AGAP1: variants seen among roughly 807,000 people sequenced by gnomAD.
AGAP1 encodes arf-GAP with GTPase, ANK repeat and PH domain-containing protein 1.
A neutral mutation model predicts 105.3 loss-of-function variants in AGAP1; 29 were observed. The ratio of observed to expected loss-of-function variants is 0.28; its 90% CI spans 0.21 to 0.38. AGAP1 has a LOEUF of 0.38. Ranked by LOEUF, AGAP1 falls within the 10% of genes least tolerant of loss-of-function variation. The pLI, the probability that AGAP1 is intolerant of heterozygous loss-of-function variation, is 1.00. For missense variants in AGAP1, 998 were observed against 1,165.1 expected, an observed-to-expected ratio of 0.86 and a Z score of 2.09; for synonymous variants, 509 against 485.9, an observed-to-expected ratio of 1.05 and a Z score of -0.63.
chr2:235,730,133 TACTC>T (rs1364248699), intron 3 of AGAP1, among the ~76,000 whole-genome samples: 1 of 152,160 alleles, frequency 6.6e-6, no homozygotes, highest in African/African-American at 2.4e-5. Context: ...TACTTTTACA[TACTC>T]ACTTCCTGAA....
rs1056040485 is a variant in AGAP1, at chr2:235,864,488, G to A, written c.1051-18857G>A. 4.6e-5 allele frequency among the ~76,000 whole-genome samples: 7 copies of A among 152,200 alleles called. No individual in the cohort carries two copies. The highest frequency in any genetic ancestry group is 3.9e-4 in the East Asian group (2 of 5,190). On this transcript the variant is annotated intron_variant, in intron 9 of 17. Transcript: ENST00000304032. The surrounding 1 kb of genome is among the most constrained non-coding windows in gnomAD (Gnocchi z 5.0). ...GGGTGGGAGGAGGAGGTGGGCGGCC[G>A]GAAGGTGGTTGAGCGTTTCCGCTCC...
chr2:235,628,715 C>G (rs1472200481), intron 1 of AGAP1, among the ~76,000 whole-genome samples: 1 of 151,950 alleles, frequency 6.6e-6, no homozygotes, highest in African/African-American at 2.4e-5. Flanking sequence ...TCTGGTGCAC[C>G]CATCACCCAA....
At position 235,610,438 on chromosome 2, in the gene AGAP1, G is replaced by C. The variant is rs1946088604; in HGVS notation, c.164-98741G>C. Reference sequence around the variant, plus strand: ...TGCTGGCATGGTTGGACTCTGGAGAGACTCTTGTCCTGACTTCTAGATGTC... The same window carrying C: ...TGCTGGCATGGTTGGACTCTGGAGACACTCTTGTCCTGACTTCTAGATGTC... On this transcript the variant is annotated intron_variant, in intron 1 of 17. Transcript: ENST00000304032. The surrounding 1 kb of genome is among the most constrained non-coding windows in gnomAD (Gnocchi z 4.9). 6.6e-6 allele frequency among the ~76,000 whole-genome samples: 1 copy of C among 152,160 alleles called. No homozygotes were observed.
rs2013198 is a variant in AGAP1 at position 235,663,091 on chromosome 2, G to T, written c.164-46088G>T. Among the ~76,000 whole-genome samples the T allele has an allele frequency of 6.6e-6, 1 of 152,000 alleles. No homozygotes were observed. Among genetic ancestry groups the T allele is most frequent in the East Asian group, 1.9e-4 (1 of 5,150 alleles). ...TGTAATCCCAGCACTTTGGGAGGCCGAGGCGGGTGGATCATCTGAGGTCAG... is the reference window on the plus strand; with the variant it reads ...TGTAATCCCAGCACTTTGGGAGGCCTAGGCGGGTGGATCATCTGAGGTCAG... On this transcript the variant is annotated intron_variant, in intron 1 of 17. Coordinates refer to ENST00000304032, the MANE Select transcript of AGAP1 (RefSeq NM_001037131.3). This position sits in a 1 kb window ranked among gnomAD's most constrained non-coding sequence, Gnocchi z 5.4.
At chr2:235,890,421 G>A (rs2050482033) in intron 10 of AGAP1, among the ~76,000 whole-genome samples, 1 of 152,154 alleles carries the variant, frequency 6.6e-6, no homozygotes, top group Non-Finnish European at 1.5e-5. Flanking sequence ...CAAAGTGCTG[G>A]GATTATAGGC....
intron 13 of AGAP1, among the ~76,000 whole-genome samples, chr2:236,013,237 G>A (rs73121831): frequency 0.012 from 1,808 of 152,304 alleles, 48 homozygotes; most frequent in African/African-American, 0.041. Context: ...TCTCGCGTAT[G>A]TTTTGTGTTG....
At chr2:235,786,531 TTAA>T (rs1216179776) in intron 6 of AGAP1, among the ~76,000 whole-genome samples, 23 of 152,332 alleles carry the variant, frequency 1.5e-4, no homozygotes, top group South Asian at 2.1e-4. Context: ...AGTGGAATAA[TTAA>T]TAATGAATTA....
Position 236,130,361 on chromosome 2 carries a change from G to A in AGAP1, c.*6239G>A, listed in dbSNP as rs750361537. 6.6e-6 allele frequency: 1 copy of A among 151,914 alleles called. No homozygotes were observed. The highest frequency in any genetic ancestry group is 1.5e-5 in the Non-Finnish European group (1 of 67,976). 9.4% of individuals were successfully genotyped at this position (151,914 alleles called of 1,614,324 possible). On this transcript the variant is annotated 3_prime_UTR_variant, in exon 18 of 18. Coordinates refer to ENST00000304032, the MANE Select transcript of AGAP1 (RefSeq NM_001037131.3). This position sits in a 1 kb window ranked among gnomAD's most constrained non-coding sequence, Gnocchi z 5.8. ...ATCGGACTGATCTAGAATGCCCCGTGGGGGGATTGCATGGCCTTTGCCTTG... is the reference window on the plus strand; with the variant it reads ...ATCGGACTGATCTAGAATGCCCCGTAGGGGGATTGCATGGCCTTTGCCTTG...
chr2:235,837,635 A>T (rs141538916), intron 9 of AGAP1, among the ~76,000 whole-genome samples: 1 of 152,340 alleles, frequency 6.6e-6, no homozygotes, highest in East Asian at 1.9e-4. Flanking sequence ...GGAGTCTACC[A>T]GTAAAGGAGG....
rs77534673 is a variant in AGAP1, at chr2:235,716,063, CT to C, written c.223-1486del. On this transcript the variant is annotated intron_variant, in intron 2 of 17. Transcript: ENST00000304032. The surrounding 1 kb of genome is among the most constrained non-coding windows in gnomAD (Gnocchi z 4.0). ...GGGGATGCGATTTGGGAATAGGCAG[CT>C]TTTTTTTCCCCCCACATCCAACCTT... Among the ~76,000 whole-genome samples, 1,602 of 152,158 alleles carry C rather than the reference CT, an allele frequency of 0.011. 34 individuals carry two copies. Among genetic ancestry groups the C allele is most frequent in the African/African-American group, 0.034 (1,424 of 41,508 alleles).
chr2:235,688,012 C>G (rs1163909696), intron 1 of AGAP1, among the ~76,000 whole-genome samples: 1 of 150,546 alleles, frequency 6.6e-6, no homozygotes, highest in Non-Finnish European at 1.5e-5. Context: ...CGCCATTCTC[C>G]CGCCTCAGCC....
intron 9 of AGAP1, among the ~76,000 whole-genome samples, chr2:235,840,685 C>T (rs1371199845): frequency 6.6e-6 from 1 of 151,796 alleles, no homozygotes; most frequent in Non-Finnish European, 1.5e-5. Context: ...AAGGAGAAGA[C>T]ATATCTGGAG....
chr2:235,752,647 A>G lies in AGAP1; in HGVS notation c.673+2159A>G, dbSNP rs1021705502. Among the ~76,000 whole-genome samples the G allele has an allele frequency of 6.6e-6, 1 of 152,112 alleles. No individual in the cohort carries two copies. Among genetic ancestry groups the G allele is most frequent in the Non-Finnish European group, 1.5e-5 (1 of 68,024 alleles). ...AGAGCTTGCCGGTCCCCGATGCAGG[A>G]TATCAGGGACTCAGTTGTCTGGATA... On this transcript the variant is annotated intron_variant, in intron 6 of 17. Transcript: ENST00000304032. The surrounding 1 kb of genome is among the most constrained non-coding windows in gnomAD (Gnocchi z 4.3).
chr2:235,686,554 T>TACACACACACACAC (rs1315334928), intron 1 of AGAP1, among the ~76,000 whole-genome samples: 1 of 51,352 alleles, frequency 1.9e-5, no homozygotes, highest in African/African-American at 6.3e-5. Context: ...GAGATATATA[T>TACACACACACACAC]ATACACACAC....
chr2:235,705,413 A>G lies in AGAP1; in HGVS notation c.164-3766A>G, dbSNP rs1381881697. ...GCCCAGCTGTGTTTCCCTGAAGCAT[A>G]TTTATCCTTCCAGTGTTCCTGCACC... is the stretch of plus-strand genomic sequence containing the variant. On this transcript the variant is annotated intron_variant, in intron 1 of 17. Transcript: ENST00000304032. This position sits in a 1 kb window ranked among gnomAD's most constrained non-coding sequence, Gnocchi z 4.9. Among the ~76,000 whole-genome samples, 3 of 151,990 alleles carry G rather than the reference A, an allele frequency of 2.0e-5. No homozygotes were observed. Among genetic ancestry groups the G allele is most frequent in the Middle Eastern group, 6.8e-3 (2 of 294 alleles).
intron 11 of AGAP1, among the ~76,000 whole-genome samples, chr2:235,924,802 G>A (rs926064842): frequency 6.6e-5 from 10 of 152,148 alleles, no homozygotes; most frequent in Admixed American, 2.0e-4. Context: ...GTTTGCTGTG[G>A]AGAGCGACAT....
At chr2:235,823,899 A>T (rs1173172981) in intron 9 of AGAP1, among the ~76,000 whole-genome samples, 1 of 152,178 alleles carries the variant, frequency 6.6e-6, no homozygotes, top group Admixed American at 6.5e-5. Flanking sequence ...CTGTGAGGCT[A>T]GGTGGCATTC....
At chr2:235,572,905 A>G (rs2149166670) in intron 1 of AGAP1, among the ~76,000 whole-genome samples, 1 of 152,258 alleles carries the variant, frequency 6.6e-6, no homozygotes, top group Non-Finnish European at 1.5e-5. Context: ...ATTCTGCCTG[A>G]GACTCCTTTT....
Position 235,681,843 on chromosome 2 carries a change from CTTTTTTTTTT to C in AGAP1, c.164-27320_164-27311del, listed in dbSNP as rs56934868. Reference sequence around the variant, plus strand: ...CCTATAAAGGGTCTAATTTAGTTTGCTTTTTTTTTTTTTTTTTTTTTTTTTGATACAGAGT... The same window carrying C: ...CCTATAAAGGGTCTAATTTAGTTTGCTTTTTTTTTTTTTTTGATACAGAGT... On this transcript the variant is annotated intron_variant, in intron 1 of 17. Coordinates refer to ENST00000304032, the MANE Select transcript of AGAP1 (RefSeq NM_001037131.3). 4.2e-3 allele frequency among the ~76,000 whole-genome samples: 327 copies of C among 78,362 alleles called. 2 individuals carry two copies. Among genetic ancestry groups the C allele is most frequent in the Middle Eastern group, 0.021 (2 of 94 alleles). 51.4% of individuals were successfully genotyped at this position (78,362 alleles called of 152,430 possible).
Sources: gnomAD v4.1 joint callset for allele counts (sites outside exome capture counted in the v4.1 genomes callset) on GRCh38, gnomAD v4.1.1 for gene constraint, Gnocchi (gnomAD v3.1) non-coding constraint, MANE v1.5 for transcripts, NCBI Gene and HGNC (gene_info 2026-07-23, HGNC 2026-07-21) for gene names.